DAB1: variants seen among roughly 807,000 people sequenced by gnomAD.
DAB1 encodes the protein DAB adaptor protein 1.
DAB1 carries 15 observed loss-of-function variants against 64.6 expected under a neutral mutation model. That is an observed-to-expected ratio of 0.23 (90% CI 0.16 to 0.36). The LOEUF (loss-of-function observed/expected upper bound fraction) is 0.36, where lower values mean the gene tolerates loss of function less well. Ranked by LOEUF, DAB1 falls within the 10% of genes least tolerant of loss-of-function variation. The pLI is 1.00. For synonymous variants in DAB1, 235 were observed against 251.9 expected (o/e 0.93, Z 0.64); for missense variants, 596 against 706.7 (o/e 0.84, Z 1.78).
intron 6 of DAB1, among the ~76,000 whole-genome samples, chr1:57,786,492 G>T (rs1464332217): frequency 6.6e-6 from 1 of 152,170 alleles, no homozygotes; most frequent in East Asian, 1.9e-4. Context: ...GGAGATGGAA[G>T]TTTATCAAAA....
chr1:57,776,376 T>A (rs1249667609), intron 6 of DAB1, among the ~76,000 whole-genome samples: 2 of 151,944 alleles, frequency 1.3e-5, no homozygotes, highest in East Asian at 3.9e-4. Flanking sequence ...GTCTTGCTTT[T>A]AATCCATGTT....
At chr1:58,331,137 C>T (rs1216938816) in intron 4 of DAB1, among the ~76,000 whole-genome samples, 1 of 152,168 alleles carries the variant, frequency 6.6e-6, no homozygotes, top group East Asian at 1.9e-4. Context: ...CTTTAACAGG[C>T]TGTTGGAAGA....
At chr1:57,099,741 G>A (rs1250169148) in intron 4 of DAB1, among the ~76,000 whole-genome samples, 3 of 152,202 alleles carry the variant, frequency 2.0e-5, no homozygotes, top group East Asian at 1.9e-4. Context: ...TGAGTTAGAA[G>A]CAAAGGCACT....
At chr1:57,166,284 T>C (rs1661203878) in intron 2 of DAB1, among the ~76,000 whole-genome samples, 2 of 152,304 alleles carry the variant, frequency 1.3e-5, no homozygotes, top group Admixed American at 6.5e-5. Context: ...CCAGCTCTCC[T>C]TGACTCCAAA....
At chr1:58,054,244 A>G (rs1033679231) in intron 5 of DAB1, among the ~76,000 whole-genome samples, 1 of 152,260 alleles carries the variant, frequency 6.6e-6, no homozygotes, top group African/African-American at 2.4e-5. Context: ...CTCTGCCAAG[A>G]GGAGATAACA....
chr1:57,020,589 G>A (rs1195393448), intron 11 of DAB1, among the ~76,000 whole-genome samples: 2 of 152,082 alleles, frequency 1.3e-5, no homozygotes, highest in South Asian at 2.1e-4. Context: ...CTTTATTACA[G>A]GCACTAATTT....
intron 1 of DAB1, among the ~76,000 whole-genome samples, chr1:58,540,739 G>A (rs1646593664): frequency 6.6e-6 from 1 of 151,490 alleles, no homozygotes; most frequent in Admixed American, 6.6e-5. Flanking sequence ...GGGCATCAAT[G>A]AGGTATGCAA....
chr1:57,717,892 T>A (rs1022850589), intron 6 of DAB1, among the ~76,000 whole-genome samples: 4 of 152,064 alleles, frequency 2.6e-5, no homozygotes, highest in Admixed American at 2.6e-4. Context: ...AAAAATCTTA[T>A]AATCTCATTA....
chr1:58,451,602 C>T (rs868645431), intron 3 of DAB1, among the ~76,000 whole-genome samples: 5 of 152,034 alleles, frequency 3.3e-5, no homozygotes, highest in Non-Finnish European at 4.4e-5. Flanking sequence ...TACATGAGAA[C>T]GCCCTGAATA....
At chr1:57,856,867 G>A (rs568038555) in intron 1 of DAB1, among the ~76,000 whole-genome samples, 196 of 152,326 alleles carry the variant, frequency 1.3e-3, no homozygotes, top group Middle Eastern at 6.8e-3. Flanking sequence ...GACCTATGGG[G>A]ATGTGAATGA....
chr1:58,123,299 G>A (rs545087368), intron 5 of DAB1, among the ~76,000 whole-genome samples: 9 of 152,194 alleles, frequency 5.9e-5, no homozygotes, highest in African/African-American at 1.4e-4. Flanking sequence ...ATAGGGTACC[G>A]AAGCCATATG....
At position 57,452,904 on chromosome 1, in the gene DAB1, A is replaced by G. The variant is rs373465519; in HGVS notation, n.626-161738T>C. On this transcript the variant is annotated intron_variant and non_coding_transcript_variant, in intron 7 of 20. Transcript: ENST00000485760. The stretch of plus-strand genomic sequence containing the variant: ...GAAAGAGGGAGGGAGGAAGAGAGGA[A>G]GGGAAAAATAAAGAAAGGAATGAAG... Among the ~76,000 whole-genome samples the G allele has an allele frequency of 8.6e-5, 13 of 151,938 alleles. No homozygotes were observed. The East Asian group carries it at 1.8e-3, about 20-fold the overall frequency.
At chr1:57,045,411 G>T (rs1211057308) in intron 9 of DAB1, among the ~76,000 whole-genome samples, 1 of 152,174 alleles carries the variant, frequency 6.6e-6, no homozygotes, top group African/African-American at 2.4e-5. Flanking sequence ...AGAAAGTAGG[G>T]TGGCGGCTGG....
intron 2 of DAB1, among the ~76,000 whole-genome samples, chr1:57,197,921 T>C (rs1331840818): frequency 6.6e-6 from 1 of 150,500 alleles, no homozygotes; most frequent in African/African-American, 2.4e-5. Flanking sequence ...ATGGTGATGA[T>C]TTAGCAAACT....
intron 2 of DAB1, among the ~76,000 whole-genome samples, chr1:57,178,323 G>A (rs1313118876): frequency 3.3e-5 from 5 of 150,116 alleles, no homozygotes; most frequent in African/African-American, 1.2e-4. Flanking sequence ...AATGGTCATA[G>A]CATAGAACTT....
chr1:58,239,547 G>T (rs1262551370), intron 4 of DAB1, among the ~76,000 whole-genome samples: 1 of 152,176 alleles, frequency 6.6e-6, no homozygotes, highest in African/African-American at 2.4e-5. Context: ...GGATGCTTTT[G>T]TGTTAATTAG....
At chr1:57,056,526 AAAAG>A (rs1421963116) in intron 9 of DAB1, among the ~76,000 whole-genome samples, 2 of 151,492 alleles carry the variant, frequency 1.3e-5, no homozygotes, top group Non-Finnish European at 2.9e-5. Flanking sequence ...AAAAAGAAAA[AAAAG>A]AAAAGAAAAG....
chr1:58,417,171 A>G (rs2100214352), intron 3 of DAB1, among the ~76,000 whole-genome samples: 1 of 152,292 alleles, frequency 6.6e-6, no homozygotes, highest in Non-Finnish European at 1.5e-5. Context: ...GTTCTCACAG[A>G]TACTGGTTGG....
intron 5 of DAB1, among the ~76,000 whole-genome samples, chr1:58,027,514 C>A (rs1235664640): frequency 6.6e-6 from 1 of 152,100 alleles, no homozygotes; most frequent in Non-Finnish European, 1.5e-5. Context: ...TACTTTCTGT[C>A]CTTCTGCACA....
Sources: gnomAD v4.1 joint callset for allele counts (sites outside exome capture counted in the v4.1 genomes callset) on GRCh38, gnomAD v4.1.1 for gene constraint, MANE v1.5 for transcripts, NCBI Gene and HGNC (gene_info 2026-07-23, HGNC 2026-07-21) for gene names.